Variants in DCLK1 observed in about 807,000 individuals in gnomAD.
DCLK1 encodes the protein doublecortin like kinase 1, also known as serine/threonine-protein kinase DCLK1.
DCLK1 carries 16 observed loss-of-function variants against 86.2 expected under a neutral mutation model. The observed-to-expected ratio is 0.19, with a 90% CI of 0.13 to 0.28. The LOEUF (loss-of-function observed/expected upper bound fraction) is 0.28, where lower values mean the gene tolerates loss of function less well. Ranked by LOEUF, DCLK1 falls within the 10% of genes least tolerant of loss-of-function variation. The probability of loss-of-function intolerance (pLI) is 1.00; values close to 1 mark genes in which losing one functional copy is unlikely to be tolerated. For synonymous variants in DCLK1, 369 were observed against 370.5 expected, an observed-to-expected ratio of 1.00 and a Z score of 0.05; for missense variants, 590 against 940.2, an observed-to-expected ratio of 0.63 and a Z score of 4.87.
At position 35,836,085 on chromosome 13, in the gene DCLK1, C is replaced by T. The variant is rs1310450357; in HGVS notation, c.1177G>A (p.Gly393Arg). Residue 393 changes from glycine to arginine, a missense_variant, in exon 8 of 17, where the codon GGA becomes AGA. Around this residue, in one of 6 missense-constraint regions of DCLK1, gnomAD observed 108 missense variants for 195.7 expected, o/e 0.55. Coordinates refer to ENST00000360631, the MANE Select transcript of DCLK1 (RefSeq NM_001330071.2). ...PATITERYKVGRTIGDGNFAV... is the reference protein window; with the variant it reads ...PATITERYKVRRTIGDGNFAV... ...AAATTTCCATCTCCTATTGTTCTTC[C>T]GACTTTATATCGTTCTGTTATTGTA... 3.7e-6 allele frequency: 6 copies of T among 1,613,516 alleles called. No homozygotes were observed. The highest frequency in any genetic ancestry group is 5.1e-6 in the Non-Finnish European group (6 of 1,179,934).
At chr13:35,838,954 C>T (rs985518078) in intron 7 of DCLK1, 138 bp downstream of exon 7, 1 of 737,204 alleles carries the variant, frequency 1.4e-6, no homozygotes, top group African/African-American at 1.8e-5. Context: ...CCATATTCAA[C>T]CCTATCCCCT....
chr13:36,067,532 C>T (rs960267880), intron 3 of DCLK1, among the ~76,000 whole-genome samples: 4 of 150,600 alleles, frequency 2.7e-5, no homozygotes, highest in African/African-American at 9.8e-5. Flanking sequence ...ACATTGTGCA[C>T]ATGTACCCTA....
intron 3 of DCLK1, among the ~76,000 whole-genome samples, chr13:36,111,173 T>TTGACAGAA (rs1885604779): frequency 6.6e-6 from 1 of 152,116 alleles, no homozygotes; most frequent in African/African-American, 2.4e-5. Flanking sequence ...ATCAAGGTTC[T>TTGACAGAA]GTCAAACCTG....
chr13:35,955,420 G>A (rs956928156), intron 3 of DCLK1, among the ~76,000 whole-genome samples: 1 of 152,040 alleles, frequency 6.6e-6, no homozygotes, highest in South Asian at 2.1e-4. Context: ...GAAGGGACAA[G>A]GGACCTCTCT....
intron 4 of DCLK1, among the ~76,000 whole-genome samples, chr13:35,881,452 C>G (rs1872896677): frequency 6.6e-6 from 1 of 152,154 alleles, no homozygotes; most frequent in South Asian, 2.1e-4. Flanking sequence ...CTAAAGCACT[C>G]CTACTCCTCT....
chr13:36,005,782 T>C (rs1261428647), intron 3 of DCLK1, among the ~76,000 whole-genome samples: 8 of 152,102 alleles, frequency 5.3e-5, no homozygotes, highest in Non-Finnish European at 1.2e-4. Context: ...CCATCAATGA[T>C]AGACTGGACA....
intron 3 of DCLK1, among the ~76,000 whole-genome samples, chr13:35,985,836 T>C (rs1237092369): frequency 6.6e-6 from 1 of 152,180 alleles, no homozygotes; most frequent in Non-Finnish European, 1.5e-5. Context: ...TGATGCTTGT[T>C]CCCAAATTAA....
intron 3 of DCLK1, among the ~76,000 whole-genome samples, chr13:36,017,880 C>T (rs1881605935): frequency 6.6e-6 from 1 of 152,210 alleles, no homozygotes; most frequent in South Asian, 2.1e-4. Context: ...ACTTCCAACA[C>T]TGACCTCTGC....
chr13:35,872,993 T>C (rs1281065739), intron 4 of DCLK1, among the ~76,000 whole-genome samples: 1 of 152,202 alleles, frequency 6.6e-6, no homozygotes, highest in Non-Finnish European at 1.5e-5. Flanking sequence ...GTAATATGTT[T>C]ATATCACAAC....
At chr13:35,846,615 T>G (rs548422504) in intron 6 of DCLK1, 307 of 985,236 alleles carry the variant, frequency 3.1e-4, no homozygotes, top group Middle Eastern at 2.1e-3. Flanking sequence ...ATTTTTCAAC[T>G]GACAGTACAA....
intron 2 of DCLK1, among the ~76,000 whole-genome samples, chr13:36,115,655 C>G (rs1885758368): frequency 6.6e-6 from 1 of 151,982 alleles, no homozygotes; most frequent in Non-Finnish European, 1.5e-5. Flanking sequence ...GAAGCAGCAT[C>G]TGGCTGAATT....
At chr13:35,828,346 A>C (rs1373359657) in intron 8 of DCLK1, 39 bp from the exon 9 acceptor site, 1 of 1,516,318 alleles carries the variant, frequency 6.6e-7, no homozygotes, top group Admixed American at 1.7e-5. Context: ...ATGAAACTTA[A>C]CTTCAAATCT....
At chr13:35,932,015 A>T (rs2153129134) in intron 4 of DCLK1, among the ~76,000 whole-genome samples, 1 of 152,328 alleles carries the variant, frequency 6.6e-6, no homozygotes, top group African/African-American at 2.4e-5. Context: ...AATGCGCCAC[A>T]GGGTGCCCAG....
chr13:36,073,577 A>G (rs1884058430), intron 3 of DCLK1, among the ~76,000 whole-genome samples: 1 of 152,208 alleles, frequency 6.6e-6, no homozygotes, highest in Non-Finnish European at 1.5e-5. Context: ...GAATTTGCAC[A>G]ATGCTATCAC....
chr13:36,115,155 G>A (rs1885739243), intron 2 of DCLK1, among the ~76,000 whole-genome samples: 1 of 152,062 alleles, frequency 6.6e-6, no homozygotes, highest in Non-Finnish European at 1.5e-5. Flanking sequence ...AACAAAGCGA[G>A]ATCCCATCTC....
At chr13:35,795,710 C>T (rs894620840) in intron 15 of DCLK1, among the ~76,000 whole-genome samples, 3 of 152,048 alleles carry the variant, frequency 2.0e-5, no homozygotes, top group Non-Finnish European at 2.9e-5. Flanking sequence ...CACCTGAGGT[C>T]GGGAGTACGA....
chr13:35,775,254 G>A (rs777785463), intron 16 of DCLK1, among the ~76,000 whole-genome samples: 6 of 152,174 alleles, frequency 3.9e-5, no homozygotes, highest in Non-Finnish European at 8.8e-5. Flanking sequence ...TTCTGGGAAG[G>A]ATTGGTTTAA....
chr13:35,824,527 C>T (rs1180199855), intron 10 of DCLK1, among the ~76,000 whole-genome samples: 2 of 152,002 alleles, frequency 1.3e-5, no homozygotes, highest in East Asian at 3.9e-4. Flanking sequence ...CTTATCGGTC[C>T]TTTCTTGGAC....
At chr13:36,011,841 A>G (rs1352796813) in intron 3 of DCLK1, among the ~76,000 whole-genome samples, 1 of 149,810 alleles carries the variant, frequency 6.7e-6, no homozygotes, top group Admixed American at 6.6e-5. Flanking sequence ...AAAGTCTCCC[A>G]TTATTAATGT....
Sources: allele counts gnomAD v4.1 joint callset (sites outside exome capture counted in the v4.1 genomes callset), GRCh38; gene constraint gnomAD v4.1.1; regional missense constraint gnomAD v4.1.1; transcripts MANE v1.5; gene names NCBI Gene and HGNC (gene_info 2026-07-23, HGNC 2026-07-21).